INTU: variants seen among roughly 807,000 people sequenced by gnomAD.
The protein encoded by INTU is inturned planar cell polarity protein, also known as protein inturned.
INTU carries 68 observed loss-of-function variants against 100.5 expected under a neutral mutation model. The observed-to-expected ratio is 0.68, with a 90% CI of 0.56 to 0.83. INTU has a LOEUF of 0.83. INTU is among the 40% of genes least tolerant of loss of function. The probability of loss-of-function intolerance (pLI) is 0.00; values close to 1 mark genes in which losing one functional copy is unlikely to be tolerated. For missense variants in INTU, 1,071 were observed against 1,114.7 expected (o/e 0.96, Z 0.56); for synonymous variants, 357 against 395.7 (o/e 0.90, Z 1.16).
intron 6 of INTU, among the ~76,000 whole-genome samples, chr4:127,676,474 TA>T (rs1366297922): frequency 6.6e-6 from 1 of 151,760 alleles, no homozygotes; most frequent in Non-Finnish European, 1.5e-5. Context: ...TAGTTCCAGC[TA>T]CTTGGGAGGC....
At chr4:127,711,194 T>C in intron 14 of INTU, 92 bp downstream of exon 14, 1 of 1,004,708 alleles carries the variant, frequency 1.0e-6, no homozygotes, top group Non-Finnish European at 1.4e-6. Context: ...AGCATTGTTT[T>C]CATTTCATTA....
At chr4:127,696,533 C>A (rs1050161410) in intron 8 of INTU, among the ~76,000 whole-genome samples, 4 of 151,826 alleles carry the variant, frequency 2.6e-5, no homozygotes, top group Admixed American at 2.6e-4. Flanking sequence ...TGCCCCCCCC[C>A]TTTCATTTCT....
intron 8 of INTU, among the ~76,000 whole-genome samples, chr4:127,692,502 A>C (rs1368199562): frequency 1.3e-5 from 2 of 152,136 alleles, no homozygotes. Flanking sequence ...CCTTTGTCAG[A>C]TGTATAGATT....
intron 1 of INTU, among the ~76,000 whole-genome samples, chr4:127,641,012 CCTCTCT>C (rs35087007): frequency 2.7e-5 from 4 of 150,004 alleles, no homozygotes; most frequent in African/African-American, 9.8e-5. Context: ...AACATGAATC[CCTCTCT>C]CTCTCTCTCT....
At chr4:127,668,465 G>A (rs1034928835) in intron 4 of INTU, among the ~76,000 whole-genome samples, 3 of 151,614 alleles carry the variant, frequency 2.0e-5, no homozygotes, top group Non-Finnish European at 3.0e-5. Context: ...TTATAATATC[G>A]TGACACTTTT....
Position 127,659,839 on chromosome 4 carries a change from G to C in INTU, c.768+3118G>C, listed in dbSNP as rs1001496223. Among the ~76,000 whole-genome samples, 9 of 152,196 alleles carry C rather than the reference G, an allele frequency of 5.9e-5. No individual in the cohort carries two copies. The East Asian group carries it at 1.7e-3, about 29-fold the overall frequency. On this transcript the variant is annotated intron_variant, in intron 3 of 15. Coordinates refer to ENST00000335251, the MANE Select transcript of INTU (RefSeq NM_015693.4). ...CAGGTAGTTCTTAGGCCTAAAGGAGGGGGCAAAGGCTTCTTAAAGGAAATG... is the reference window on the plus strand; with the variant it reads ...CAGGTAGTTCTTAGGCCTAAAGGAGCGGGCAAAGGCTTCTTAAAGGAAATG...
intron 3 of INTU, among the ~76,000 whole-genome samples, chr4:127,661,003 A>G (rs1728451897): frequency 6.6e-6 from 1 of 152,176 alleles, no homozygotes; most frequent in African/African-American, 2.4e-5. Context: ...ATTTCCTGAC[A>G]TTTGTAGCTA....
intron 13 of INTU, 42 bp from the exon 14 acceptor site, chr4:127,710,870 TA>T: frequency 7.7e-7 from 1 of 1,298,302 alleles, no homozygotes; most frequent in Non-Finnish European, 1.0e-6. Context: ...TAAAATTTAC[TA>T]AAATTTCTTT....
intron 5 of INTU, among the ~76,000 whole-genome samples, chr4:127,669,542 C>A (rs1427091202): frequency 2.0e-5 from 3 of 151,736 alleles, no homozygotes; most frequent in Non-Finnish European, 4.4e-5. Context: ...ATGTTTCTAT[C>A]TTGATTGTTA....
chr4:127,645,663 C>T (rs1407516828), intron 2 of INTU, among the ~76,000 whole-genome samples: 3 of 152,090 alleles, frequency 2.0e-5, no homozygotes, highest in African/African-American at 7.2e-5. Flanking sequence ...CGGGTTCAAG[C>T]GATTCTTCTG....
intron 5 of INTU, among the ~76,000 whole-genome samples, chr4:127,671,549 T>C (rs1488206958): frequency 6.6e-6 from 1 of 152,070 alleles, no homozygotes; most frequent in Non-Finnish European, 1.5e-5. Flanking sequence ...CAGAAAACAG[T>C]ATGGAGATTT....
At chr4:127,655,273 C>T (rs1191472639) in intron 2 of INTU, among the ~76,000 whole-genome samples, 3 of 152,190 alleles carry the variant, frequency 2.0e-5, no homozygotes, top group South Asian at 2.1e-4. Context: ...TGAGGAACTG[C>T]GTTCCGTTGG....
chr4:127,677,598 T>G (rs914270159), intron 6 of INTU, among the ~76,000 whole-genome samples: 1 of 152,004 alleles, frequency 6.6e-6, no homozygotes, highest in Non-Finnish European at 1.5e-5. Context: ...AAAACCCATC[T>G]GTACATCACC....
chr4:127,651,384 T>C (rs901592364), intron 2 of INTU, among the ~76,000 whole-genome samples: 7 of 152,242 alleles, frequency 4.6e-5, no homozygotes, highest in African/African-American at 1.7e-4. Flanking sequence ...CCATCTTGAA[T>C]TGATTTTTGT....
At chr4:127,698,948 A>G (rs1730518502) in intron 8 of INTU, among the ~76,000 whole-genome samples, 1 of 152,206 alleles carries the variant, frequency 6.6e-6, no homozygotes, top group African/African-American at 2.4e-5. Flanking sequence ...GTAGGTCACA[A>G]ATGAGTAATA....
intron 2 of INTU, among the ~76,000 whole-genome samples, chr4:127,651,579 T>G (rs1304744754): frequency 6.6e-6 from 1 of 152,214 alleles, no homozygotes; most frequent in Non-Finnish European, 1.5e-5. Context: ...TTGATCTATA[T>G]CTCTGTTTTG....
chr4:127,639,517 G>A (rs1727217576), intron 1 of INTU, among the ~76,000 whole-genome samples: 1 of 151,976 alleles, frequency 6.6e-6, no homozygotes, highest in Non-Finnish European at 1.5e-5. Context: ...TTTTGTTGTT[G>A]TTGTTGTTAA....
At chr4:127,640,411 T>C (rs1727258623) in intron 1 of INTU, among the ~76,000 whole-genome samples, 1 of 151,512 alleles carries the variant, frequency 6.6e-6, no homozygotes, top group Non-Finnish European at 1.5e-5. Context: ...TCCTTTTAGT[T>C]TCTTCCTCTT....
intron 3 of INTU, among the ~76,000 whole-genome samples, chr4:127,659,658 G>A (rs750851780): frequency 5.3e-5 from 8 of 152,080 alleles, no homozygotes; most frequent in Non-Finnish European, 8.8e-5. Flanking sequence ...GTCTCTTCCC[G>A]TCTTTATCCG....
Sources: gnomAD v4.1 joint callset for allele counts (sites outside exome capture counted in the v4.1 genomes callset) on GRCh38, gnomAD v4.1.1 for gene constraint, MANE v1.5 for transcripts, NCBI Gene and HGNC (gene_info 2026-07-23, HGNC 2026-07-21) for gene names.